The following RBBP6 variants were observed in gnomAD, a reference collection of about 807,000 sequenced individuals.
RBBP6 encodes RB binding protein 6, ubiquitin ligase, also known as E3 ubiquitin-protein ligase RBBP6.
In RBBP6, 25 loss-of-function variants were observed where a neutral mutation model predicts 167.7. The ratio of observed to expected loss-of-function variants is 0.15; its 90% CI spans 0.11 to 0.21. The LOEUF is 0.21. RBBP6 is among the 10% of genes least tolerant of loss of function. The probability of loss-of-function intolerance (pLI) is 1.00; values close to 1 mark genes in which losing one functional copy is unlikely to be tolerated. For synonymous variants in RBBP6, 789 were observed against 735.8 expected, an observed-to-expected ratio of 1.07 and a Z score of -1.17; for missense variants, 1,868 against 2,134.2, an observed-to-expected ratio of 0.88 and a Z score of 2.46.
intron 2 of RBBP6, among the ~76,000 whole-genome samples, 166 bp from the exon 3 acceptor site, chr16:24,548,779 G>T (rs1898727541): frequency 6.6e-6 from 1 of 152,054 alleles, no homozygotes; most frequent in African/African-American, 2.4e-5. Context: ...AGGTGGTAAA[G>T]ATTAATCAGA....
chr16:24,562,834 A>T (rs911412296), intron 10 of RBBP6, among the ~76,000 whole-genome samples: 2 of 152,206 alleles, frequency 1.3e-5, no homozygotes, highest in Non-Finnish European at 2.9e-5. Context: ...AGAGAGTTCT[A>T]TGGCTGACCC....
chr16:24,541,204 C>CAAAAAAAAAAAAA (rs1491180757), intron 1 of RBBP6, among the ~76,000 whole-genome samples: 2 of 81,660 alleles, frequency 2.4e-5, no homozygotes, highest in African/African-American at 8.3e-5. Flanking sequence ...AAAAAAAAAA[C>CAAAAAAAAAAAAA]CAAAAAAACA....
intron 2 of RBBP6, among the ~76,000 whole-genome samples, chr16:24,547,304 G>A (rs542120491): frequency 2.0e-5 from 3 of 152,220 alleles, no homozygotes; most frequent in Non-Finnish European, 4.4e-5. Context: ...AACACTTAGA[G>A]GTCCTTTTGT....
chr16:24,569,673 T>C lies in RBBP6; in HGVS notation c.2983T>C (p.Ser995Pro). ...PVRDEPMDAE[S>P]ITFKSVSEKD... is the part of the protein sequence containing the mutation. ...TAGAGATGAACCAATGGATGCAGAA[T>C]CAATCACTTTTAAATCAGTGTCTGA... is the stretch of plus-strand genomic sequence containing the variant. Residue 995 changes from serine (S) to proline (P), a missense_variant, in exon 17 of 18, where the codon TCA (serine) becomes CCA (proline). Ser to Pro is a moderately conservative substitution (Grantham distance 74). Transcript: ENST00000319715. 6.2e-7 allele frequency: 1 copy of C among 1,613,692 alleles called. No homozygotes were observed. The highest frequency in any genetic ancestry group is 8.5e-7 in the Non-Finnish European group (1 of 1,179,938).
intron 3 of RBBP6, among the ~76,000 whole-genome samples, chr16:24,552,551 A>G (rs1898821788): frequency 6.6e-6 from 1 of 151,884 alleles, no homozygotes; most frequent in Admixed American, 6.6e-5. Context: ...ATCATTTCAG[A>G]GGATCAAATG....
At chr16:24,553,451 A>G (rs1301938081) in intron 3 of RBBP6, 62 bp from the exon 4 acceptor site, 1 of 1,413,576 alleles carries the variant, frequency 7.1e-7, no homozygotes, top group Non-Finnish European at 9.9e-7. Context: ...TAGGGGCTAA[A>G]TGATCACTTT....
intron 2 of RBBP6, among the ~76,000 whole-genome samples, chr16:24,547,472 T>G (rs939776326): frequency 2.0e-5 from 3 of 152,194 alleles, no homozygotes; most frequent in Admixed American, 2.0e-4. Flanking sequence ...TTTTGTTTTG[T>G]TTTTTCCTGA....
chr16:24,542,099 A>T lies in RBBP6; in HGVS notation c.166+1307A>T, dbSNP rs200258468. Among the ~76,000 whole-genome samples, 4 of 152,356 alleles carry T rather than the reference A, an allele frequency of 2.6e-5. No individual in the cohort carries two copies. In the East Asian group the frequency reaches 7.7e-4, roughly 29 times the overall value. ...AATACTGTCTGCTTCCCCACCTTTT[A>T]AAAACAAGTGTCATACCCTTTGATA... On this transcript the variant is annotated intron_variant, in intron 1 of 17. Coordinates refer to ENST00000319715, the MANE Select transcript of RBBP6 (RefSeq NM_006910.5).
rs966486123 is a variant in RBBP6 at position 24,572,506 on chromosome 16, T to C, written c.*61T>C. On this transcript the variant is annotated 3_prime_UTR_variant, in exon 18 of 18. Coordinates refer to ENST00000319715, the MANE Select transcript of RBBP6 (RefSeq NM_006910.5). ...TCATCTGTATTAAATTTTGTTATAA[T>C]GTAAAGAGATTCAAGCCTTGTAAAT... 2.1e-5 allele frequency: 31 copies of C among 1,464,244 alleles called. No individual in the cohort carries two copies. Among genetic ancestry groups the C allele is most frequent in the Admixed American group, 2.8e-5 (1 of 35,976 alleles). 90.7% of individuals were successfully genotyped at this position (1,464,244 alleles called of 1,614,324 possible).
Position 24,570,109 on chromosome 16 carries a change from TTGA to T in RBBP6, c.3421_3423del (p.Asp1141del), listed in dbSNP as rs756098667. ...AAGCCTAATGAGAAAAACAAACCAC[TTGA>T]TAATAAGGGAGAAAAAAGAAAAAGA... On this transcript the variant is annotated inframe_deletion, in exon 17 of 18. Transcript: ENST00000319715. 6.3e-7 allele frequency: 1 copy of T among 1,596,022 alleles called. No homozygotes were observed. The highest frequency in any genetic ancestry group is 1.4e-5 in the African/African-American group (1 of 73,234).
intron 3 of RBBP6, among the ~76,000 whole-genome samples, chr16:24,551,942 A>T (rs1455968368): frequency 6.6e-6 from 1 of 151,794 alleles, no homozygotes; most frequent in East Asian, 1.9e-4. Flanking sequence ...ATTTTAGATA[A>T]AAAGAGATAT....
intron 7 of RBBP6, 123 bp from the exon 8 acceptor site, chr16:24,559,382 T>C (rs1898993715): frequency 1.5e-6 from 1 of 656,302 alleles, no homozygotes; most frequent in African/African-American, 1.9e-5. Flanking sequence ...GAAGATATGG[T>C]GCTTGTCTAA....
In RBBP6 at chr16:24,571,142, T is replaced by G; in HGVS notation, c.4076T>G (p.Ile1359Arg). 1 of 1,613,554 alleles carries G rather than the reference T, an allele frequency of 6.2e-7. No individual in the cohort carries two copies. The highest frequency in any genetic ancestry group is 8.5e-7 in the Non-Finnish European group (1 of 1,179,568). Reference sequence around the variant, plus strand: ...AATGTTAGTACAAAGCCATCAAATATAGTCAAGTATCCTGAGAAAGAAAGT... The same window carrying G: ...AATGTTAGTACAAAGCCATCAAATAGAGTCAAGTATCCTGAGAAAGAAAGT... The part of the protein sequence containing the change: ...IKNVSTKPSN[I>R]VKYPEKESEP... Residue 1359 changes from isoleucine (I) to arginine (R), a missense_variant, in exon 18 of 18, where the codon ATA becomes AGA. This residue lies in a region of RBBP6 where 591 missense variants were observed against 540.5 expected (regional missense o/e 1.09). Coordinates refer to ENST00000319715, the MANE Select transcript of RBBP6 (RefSeq NM_006910.5).
chr16:24,550,480 G>A (rs1567272505), intron 3 of RBBP6, among the ~76,000 whole-genome samples: 1 of 150,634 alleles, frequency 6.6e-6, no homozygotes, highest in South Asian at 2.1e-4. Flanking sequence ...AAATTAGATT[G>A]ACTATCCTGG....
Position 24,571,451 on chromosome 16 carries a change from C to T in RBBP6, c.4385C>T (p.Ser1462Phe). The T allele has an allele frequency of 1.2e-6, 2 of 1,612,894 alleles. No individual in the cohort carries two copies. Among genetic ancestry groups the T allele is most frequent in the Non-Finnish European group, 1.7e-6 (2 of 1,179,730 alleles). Residue 1462 changes from serine to phenylalanine, a missense_variant, in exon 18 of 18, where the codon TCC (serine) becomes TTC (phenylalanine). Coordinates refer to ENST00000319715, the MANE Select transcript of RBBP6 (RefSeq NM_006910.5). ...GATAAACATGATTCCACTCGTGCTT[C>T]CTCAAATAAAGACTTCACTCCCAAT... The part of the protein sequence containing the change: ...TSDKHDSTRA[S>F]SNKDFTPNRD...
At position 24,570,999 on chromosome 16, in the gene RBBP6, C is replaced by T; in HGVS notation, c.3933C>T (p.Ile1311=). 1 of 1,612,464 alleles carries T rather than the reference C, an allele frequency of 6.2e-7. No individual in the cohort carries two copies. Among genetic ancestry groups the T allele is most frequent in the South Asian group, 1.1e-5 (1 of 90,966 alleles). Residue 1311 remains isoleucine, a synonymous_variant, in exon 18 of 18, where the codon ATC becomes ATT. Coordinates refer to ENST00000319715, the MANE Select transcript of RBBP6 (RefSeq NM_006910.5). ...NDNTAPAEDV[I]IMIQVPQSKW... ...ATACCGCGCCAGCTGAAGATGTTAT[C>T]ATTATGATTCAGGTTCCTCAATCCA...
intron 14 of RBBP6, among the ~76,000 whole-genome samples, chr16:24,565,128 A>G (rs1219360348): frequency 6.6e-6 from 1 of 152,198 alleles, no homozygotes; most frequent in Non-Finnish European, 1.5e-5. Flanking sequence ...ACAGCAGAGT[A>G]TTGGCTTGCA....
Position 24,569,105 on chromosome 16 carries a change from A to T in RBBP6, c.2415A>T (p.Pro805=). Residue 805 remains proline, a synonymous_variant, in exon 17 of 18, where the codon CCA becomes CCT. Coordinates refer to ENST00000319715, the MANE Select transcript of RBBP6 (RefSeq NM_006910.5). ...ATAGATACAGAGAAGTTCCACCACC[A>T]TATGACATGAAAGCATATTATGGGA... ...YFNRYREVPP[P]YDMKAYYGRS... is the part of the protein sequence containing the mutation. The T allele has an allele frequency of 6.2e-7, 1 of 1,613,802 alleles. No homozygotes were observed. The highest frequency in any genetic ancestry group is 8.5e-7 in the Non-Finnish European group (1 of 1,179,906).
chr16:24,572,567 T>C lies in RBBP6; in HGVS notation c.*122T>C, dbSNP rs1224472974. ...AAGACCCTGTGCTGCACTTAAAATA[T>C]TGCTGCTTGATTATTTGATTTTTAC... On this transcript the variant is annotated 3_prime_UTR_variant, in exon 18 of 18. Transcript: ENST00000319715. 3.9e-6 allele frequency: 5 copies of C among 1,294,220 alleles called. No individual in the cohort carries two copies. The highest frequency in any genetic ancestry group is 3.0e-5 in the African/African-American group (2 of 66,932). 80.2% of individuals were successfully genotyped at this position (1,294,220 alleles called of 1,614,324 possible). A position where few individuals can be genotyped will look rare whatever the true frequency, so the allele number is the denominator to read the frequency against.
Sources: allele counts gnomAD v4.1 joint callset (sites outside exome capture counted in the v4.1 genomes callset), GRCh38; gene constraint gnomAD v4.1.1; regional missense constraint gnomAD v4.1.1; transcripts MANE v1.5; gene names NCBI Gene and HGNC (gene_info 2026-07-23, HGNC 2026-07-21).